DLGAP2: variants seen among roughly 807,000 people sequenced by gnomAD.
The protein encoded by DLGAP2 is disks large-associated protein 2.
In DLGAP2, 26 loss-of-function variants were observed where a neutral mutation model predicts 100.3. The ratio of observed to expected loss-of-function variants is 0.26; its 90% CI spans 0.19 to 0.36. The LOEUF (loss-of-function observed/expected upper bound fraction) is 0.36, where lower values mean the gene tolerates loss of function less well. Among genes scored for constraint, DLGAP2 ranks in the 10% least tolerant of loss-of-function variants. DLGAP2 has a pLI of 1.00. For synonymous variants in DLGAP2, 886 were observed against 630.1 expected, an observed-to-expected ratio of 1.41 and a Z score of -6.08; for missense variants, 1,858 against 1,453.2, an observed-to-expected ratio of 1.28 and a Z score of -4.53.
chr8:1,159,023 C>CT (rs1236311580), intron 2 of DLGAP2, among the ~76,000 whole-genome samples: 3 of 152,188 alleles, frequency 2.0e-5, no homozygotes, highest in Non-Finnish European at 4.4e-5. Flanking sequence ...GATGAAAACA[C>CT]TTTCTTGTTA....
chr8:1,606,140 A>C (rs1253958378), intron 6 of DLGAP2, among the ~76,000 whole-genome samples: 1 of 152,188 alleles, frequency 6.6e-6, no homozygotes, highest in East Asian at 1.9e-4. Context: ...TGAAGGTACC[A>C]GTGGGTTTTT....
In DLGAP2 at chr8:1,678,367, G is replaced by C. The variant is rs764163262; in HGVS notation, c.2442G>C (p.Gln814His). The change falls in exon 12 of 15, where the codon CAG becomes CAC. Residue 814 changes from glutamine (Q) to histidine (H), a missense_variant. Transcript: ENST00000637795. ...ACTCCGAGCCCAGCACCCCCACCCA[G>C]TACAGCGCGGTGAGAACTGTACGGA... ...QRHSEPSTPT[Q>H]YSAVRTVRTQ... 1.2e-6 allele frequency: 2 copies of C among 1,613,978 alleles called. No homozygotes were observed. The highest frequency in any genetic ancestry group is 8.5e-7 in the Non-Finnish European group (1 of 1,179,884).
intron 4 of DLGAP2, among the ~76,000 whole-genome samples, chr8:1,530,065 C>T (rs933162893): frequency 3.3e-5 from 5 of 152,206 alleles, no homozygotes; most frequent in Non-Finnish European, 5.9e-5. Flanking sequence ...TCGGGCACCA[C>T]TGTCATTGAT....
At chr8:824,966 C>G (rs1254702867) in intron 1 of DLGAP2, among the ~76,000 whole-genome samples, 1 of 152,158 alleles carries the variant, frequency 6.6e-6, no homozygotes, top group Non-Finnish European at 1.5e-5. Flanking sequence ...AGGGGCCGCC[C>G]CACCTCCGTG....
intron 2 of DLGAP2, among the ~76,000 whole-genome samples, chr8:1,156,220 T>G (rs1472362306): frequency 1.3e-5 from 2 of 152,122 alleles, no homozygotes; most frequent in Non-Finnish European, 2.9e-5. Context: ...GAGCGGCCGC[T>G]TCAATGAACC....
chr8:1,219,845 G>C (rs1420756948), intron 2 of DLGAP2, among the ~76,000 whole-genome samples: 1 of 152,080 alleles, frequency 6.6e-6, no homozygotes, highest in East Asian at 1.9e-4. Flanking sequence ...TTGGGAGATG[G>C]TATGCTTCCT....
At chr8:941,603 C>T (rs1799197570) in intron 2 of DLGAP2, among the ~76,000 whole-genome samples, 1 of 152,186 alleles carries the variant, frequency 6.6e-6, no homozygotes, top group Non-Finnish European at 1.5e-5. Context: ...CAGCTCTCAT[C>T]GTTCTGGAGA....
chr8:1,434,708 C>T (rs1489010959), intron 3 of DLGAP2, among the ~76,000 whole-genome samples: 1 of 152,204 alleles, frequency 6.6e-6, no homozygotes, highest in Non-Finnish European at 1.5e-5. Flanking sequence ...ACTCCAGACT[C>T]AGGCAATCTT....
chr8:1,259,494 A>G (rs1799301510), intron 3 of DLGAP2: 1 of 152,226 alleles, frequency 6.6e-6, no homozygotes, highest in Non-Finnish European at 1.5e-5. Context: ...TGTGATAAAC[A>G]CCTGACCCCT....
intron 2 of DLGAP2, among the ~76,000 whole-genome samples, chr8:1,121,613 C>G (rs1307394108): frequency 6.6e-6 from 1 of 152,142 alleles, no homozygotes; most frequent in African/African-American, 2.4e-5. Flanking sequence ...GAACCCATGA[C>G]TACCCATCTT....
chr8:849,127 A>G (rs1017221120), intron 1 of DLGAP2, among the ~76,000 whole-genome samples: 9 of 148,824 alleles, frequency 6.0e-5, no homozygotes, highest in African/African-American at 2.0e-4. Flanking sequence ...CTGTTCTGGT[A>G]TAGGATCATG....
At chr8:896,805 G>GC (rs1021660772) in intron 1 of DLGAP2, among the ~76,000 whole-genome samples, 3 of 152,220 alleles carry the variant, frequency 2.0e-5, no homozygotes, top group African/African-American at 7.2e-5. Context: ...TCATTTATGG[G>GC]CCCCCCAGTC....
chr8:1,141,031 G>A (rs1796512076), intron 2 of DLGAP2, among the ~76,000 whole-genome samples: 1 of 152,178 alleles, frequency 6.6e-6, no homozygotes, highest in Non-Finnish European at 1.5e-5. Context: ...TTGAAGGTGT[G>A]GCAGGAATGT....
chr8:1,209,144 A>G (rs1191312090), intron 2 of DLGAP2, among the ~76,000 whole-genome samples: 7 of 152,180 alleles, frequency 4.6e-5, no homozygotes, highest in Non-Finnish European at 7.3e-5. Flanking sequence ...AGAAGTAGAA[A>G]AAACAATCCT....
At chr8:1,415,903 A>T (rs891319471) in intron 3 of DLGAP2, among the ~76,000 whole-genome samples, 1 of 152,176 alleles carries the variant, frequency 6.6e-6, no homozygotes, top group Non-Finnish European at 1.5e-5. Flanking sequence ...TGGCTGAGCT[A>T]ATTTACAATC....
intron 1 of DLGAP2, among the ~76,000 whole-genome samples, chr8:755,862 T>C (rs927893815): frequency 2.0e-5 from 3 of 152,218 alleles, no homozygotes; most frequent in African/African-American, 7.2e-5. Flanking sequence ...CTGTCAGGGC[T>C]GTGCCACCCA....
chr8:1,501,572 C>A (rs999251450), intron 4 of DLGAP2, 141 bp downstream of exon 4: 4 of 839,058 alleles, frequency 4.8e-6, no homozygotes, highest in Non-Finnish European at 5.4e-6. Context: ...AAGTACAATG[C>A]GGCACTTTTT....
intron 3 of DLGAP2, among the ~76,000 whole-genome samples, chr8:1,331,248 C>T (rs891285494): frequency 1.3e-5 from 2 of 152,196 alleles, no homozygotes; most frequent in African/African-American, 4.8e-5. Flanking sequence ...TGTGCCATAA[C>T]TAAGGCCGCA....
At chr8:1,444,301 C>G (rs532190631) in intron 3 of DLGAP2, among the ~76,000 whole-genome samples, 24 of 152,332 alleles carry the variant, frequency 1.6e-4, no homozygotes, top group East Asian at 3.9e-4. Context: ...GCTTAACCAA[C>G]TCCATATTAA....
Sources: allele counts gnomAD v4.1 joint callset (sites outside exome capture counted in the v4.1 genomes callset), GRCh38; gene constraint gnomAD v4.1.1; transcripts MANE v1.5; gene names NCBI Gene and HGNC (gene_info 2026-07-23, HGNC 2026-07-21).